Variants in FAT2 observed in about 807,000 individuals in gnomAD.
FAT2 encodes protocadherin Fat 2.
FAT2 carries 150 observed loss-of-function variants against 295.3 expected under a neutral mutation model. The ratio of observed to expected loss-of-function variants is 0.51; its 90% CI spans 0.44 to 0.58. The LOEUF (loss-of-function observed/expected upper bound fraction) is 0.58, where lower values mean the gene tolerates loss of function less well. Ranked by LOEUF, FAT2 falls within the 20% of genes least tolerant of loss-of-function variation. The pLI is 0.00. For synonymous variants in FAT2, 2,026 were observed against 2,150.3 expected, an observed-to-expected ratio of 0.94 and a Z score of 1.60; for missense variants, 4,868 against 5,442.7, an observed-to-expected ratio of 0.89 and a Z score of 3.32.
intron 19 of FAT2, among the ~76,000 whole-genome samples, chr5:151,518,398 A>T (rs1753105044): frequency 6.8e-6 from 1 of 146,420 alleles, no homozygotes; most frequent in African/African-American, 2.6e-5. Flanking sequence ...AGTAAAAATC[A>T]GGCCAGAAAT....
At chr5:151,561,087 G>A (rs1050335614) in intron 3 of FAT2, among the ~76,000 whole-genome samples, 5 of 152,264 alleles carry the variant, frequency 3.3e-5, no homozygotes, top group South Asian at 2.1e-4. Flanking sequence ...GATAAATGTC[G>A]CAAAAAGGAG....
chr5:151,537,385 C>T (rs59054570), intron 12 of FAT2, among the ~76,000 whole-genome samples: 71,362 of 137,040 alleles, frequency 0.52, 18,810 homozygotes, highest in African/African-American at 0.68. Context: ...CAACGAACAA[C>T]GAAAGGAAAG....
intron 19 of FAT2, among the ~76,000 whole-genome samples, chr5:151,519,603 G>A (rs1753231978): frequency 6.6e-6 from 1 of 152,146 alleles, no homozygotes; most frequent in Admixed American, 6.5e-5. Context: ...AACTGGAAGG[G>A]GGGCCCAAGG....
intron 18 of FAT2, among the ~76,000 whole-genome samples, chr5:151,523,539 A>T (rs1031603958): frequency 6.6e-6 from 1 of 152,176 alleles, no homozygotes; most frequent in Admixed American, 6.5e-5. Context: ...TTGCTGGCCT[A>T]TGGTGCCTCC....
At position 151,546,330 on chromosome 5, in the gene FAT2, G is replaced by A. The variant is rs148379892; in HGVS notation, c.4797C>T (p.Ser1599=). Residue 1599 remains serine, a synonymous_variant, in exon 10 of 24, where the codon AGC becomes AGT. Transcript: ENST00000261800. ...GGGCATTGATGTTGAAGAAACCTTC[G>A]CTGTTCCCTGAAACAGAAGACAAGA... ...EVHYSLLKGN[S]EGFFNINALL... The A allele has an allele frequency of 3.3e-4, 536 of 1,610,334 alleles. 4 individuals carry two copies. In the South Asian group the frequency reaches 4.8e-3, roughly 14 times the overall value.
At chr5:151,549,816 G>A (rs1757010074) in intron 8 of FAT2, among the ~76,000 whole-genome samples, 1 of 152,108 alleles carries the variant, frequency 6.6e-6, no homozygotes, top group African/African-American at 2.4e-5. Flanking sequence ...ATGTTAACAT[G>A]TCATGCAGGA....
rs756839220 is a variant in FAT2 at position 151,525,800 on chromosome 5, T to G, written c.10474A>C (p.Arg3492=). The G allele has an allele frequency of 3.1e-6, 5 of 1,614,140 alleles. No individual in the cohort carries two copies. Among genetic ancestry groups the G allele is most frequent in the Non-Finnish European group, 4.2e-6 (5 of 1,180,040 alleles). ...TGAAGCTGATACCATTCCTGAGCCC[T>G]CCTGCTTAGGCCCTCAGCAGTCACC... The part of the protein sequence containing the change: ...WLVTAEGLSR[R]AQEWYQLQIQ... Residue 3492 remains arginine, a synonymous_variant, in exon 18 of 24, where the codon AGG becomes CGG. Transcript: ENST00000261800.
chr5:151,518,681 C>A (rs1753135400), intron 19 of FAT2, among the ~76,000 whole-genome samples: 1 of 152,224 alleles, frequency 6.6e-6, no homozygotes, highest in Non-Finnish European at 1.5e-5. Flanking sequence ...TAAAGTCTGG[C>A]ATCCTCCATC....
Position 151,529,292 on chromosome 5 carries a change from C to CA in FAT2, c.9911dup (p.Thr3305AspfsTer9), listed in dbSNP as rs1384812724. ...CAGTGATGTTGACCATGACTGTGGTCACGTCACTGAGGGAAGAGGAGCTCT... is the reference window on the plus strand; with the variant it reads ...CAGTGATGTTGACCATGACTGTGGTCAACGTCACTGAGGGAAGAGGAGCTCT... On this transcript the variant is annotated frameshift_variant, in exon 15 of 24. Coordinates refer to ENST00000261800, the MANE Select transcript of FAT2 (RefSeq NM_001447.3). LOFTEE classifies it high-confidence loss of function. 1 of 1,614,082 alleles carries CA rather than the reference C, an allele frequency of 6.2e-7. No individual in the cohort carries two copies. Among genetic ancestry groups the CA allele is most frequent in the Admixed American group, 1.7e-5 (1 of 60,022 alleles).
At position 151,555,367 on chromosome 5, in the gene FAT2, CTTTT is replaced by C. The variant is rs912481589; in HGVS notation, c.3634-698_3634-695del. 5.0e-3 allele frequency among the ~76,000 whole-genome samples: 614 copies of C among 123,084 alleles called. 4 individuals are homozygous for C. Among genetic ancestry groups the C allele is most frequent in the African/African-American group, 0.019 (593 of 31,824 alleles). 80.7% of individuals were successfully genotyped at this position (123,084 alleles called of 152,430 possible). On this transcript the variant is annotated intron_variant, in intron 4 of 23. Transcript: ENST00000261800. Reference sequence around the variant, plus strand: ...GCTACTTCTTACTAATAATATATTTCTTTTTTTTTTTTTTTTTTTTTGAGACTGA... The same window carrying C: ...GCTACTTCTTACTAATAATATATTTCTTTTTTTTTTTTTTTTTGAGACTGA...
chr5:151,544,598 T>TGTA lies in FAT2; in HGVS notation c.6526_6528dup (p.Tyr2176dup), dbSNP rs745896086. Reference sequence around the variant, plus strand: ...GTGATATTTTCAGGTACTCTGACTTTGTAATAAGGACTCTGAAACAGTGGG... The same window carrying TGTA: ...GTGATATTTTCAGGTACTCTGACTTTGTAGTAATAAGGACTCTGAAACAGTGGG... On this transcript the variant is annotated inframe_insertion, in exon 10 of 24. Transcript: ENST00000261800. The TGTA allele has an allele frequency of 6.8e-6, 11 of 1,614,118 alleles. No homozygotes were observed. The highest frequency in any genetic ancestry group is 8.5e-6 in the Non-Finnish European group (10 of 1,180,030).
chr5:151,504,816 C>T lies in FAT2; in HGVS notation c.*749G>A, dbSNP rs140085002. 135 of 152,730 alleles carry T rather than the reference C, an allele frequency of 8.8e-4. No individual in the cohort carries two copies. Among genetic ancestry groups the T allele is most frequent in the Non-Finnish European group, 1.7e-3 (115 of 68,068 alleles). The allele number at this position is 152,730 out of a possible 1,614,324, so 9.5% of individuals were successfully genotyped here. The stretch of plus-strand genomic sequence containing the variant: ...AGAAGGTTCAGAGCTGTGTAGACTC[C>T]TGGCAGGCCCTGACTGGCAGCCAGT... On this transcript the variant is annotated 3_prime_UTR_variant, in exon 24 of 24. Transcript: ENST00000261800.
At position 151,542,741 on chromosome 5, in the gene FAT2, C is replaced by G; in HGVS notation, c.8386G>C (p.Val2796Leu). 1.2e-6 allele frequency: 2 copies of G among 1,614,252 alleles called. No individual in the cohort carries two copies. The highest frequency in any genetic ancestry group is 8.5e-7 in the Non-Finnish European group (1 of 1,180,046). ...QVGDVNDNRP[V>L]FEADPYKAVL... ...GCCTTATATGGATCAGCCTCAAATA[C>G]AGGCCTATTGTCATTGACGTCTCCC... is the stretch of plus-strand genomic sequence containing the variant. Residue 2796 changes from valine (V) to leucine (L), a missense_variant, in exon 10 of 24, where the codon GTA (valine) becomes CTA (leucine). Physicochemically the swap from Val to Leu is conservative, Grantham distance 32. Transcript: ENST00000261800.
At chr5:151,533,086 A>C (rs79604591) in intron 13 of FAT2, among the ~76,000 whole-genome samples, 5,461 of 152,176 alleles carry the variant, frequency 0.036, 157 homozygotes, top group Non-Finnish European at 0.058. Flanking sequence ...ATATAAGGCC[A>C]CTCTAGGAGC....
intron 3 of FAT2, among the ~76,000 whole-genome samples, chr5:151,562,916 G>C (rs946091616): frequency 6.6e-6 from 1 of 152,118 alleles, no homozygotes; most frequent in Admixed American, 6.5e-5. Flanking sequence ...TGGAACTAGG[G>C]TTAAGGGATT....
chr5:151,539,444 A>T (rs1282659035), intron 11 of FAT2, among the ~76,000 whole-genome samples: 3 of 152,154 alleles, frequency 2.0e-5, no homozygotes, highest in Non-Finnish European at 4.4e-5. Context: ...TGTGTGGGTG[A>T]GTATATGGTT....
chr5:151,515,146 G>A (rs879452348), intron 20 of FAT2, among the ~76,000 whole-genome samples: 5 of 151,964 alleles, frequency 3.3e-5, no homozygotes, highest in Non-Finnish European at 5.9e-5. Context: ...CATCTTACTG[G>A]CCTCTCAGCA....
In FAT2 at chr5:151,505,946, A is replaced by G. The variant is rs758111953; in HGVS notation, c.12669T>C (p.Tyr4223=). Residue 4223 remains tyrosine, a synonymous_variant, in exon 24 of 24, where the codon TAT becomes TAC. Transcript: ENST00000261800. ...PVVMPEPNGL[Y]GGFPFPLEME... ...TCTCCAGGGGGAAGGGGAAGCCCCC[A>G]TAGAGGCCATTAGGCTCTGGCATCA... 1.2e-5 allele frequency: 19 copies of G among 1,581,154 alleles called. No individual in the cohort carries two copies. The highest frequency in any genetic ancestry group is 2.2e-5 in the East Asian group (1 of 44,606).
intron 9 of FAT2, among the ~76,000 whole-genome samples, chr5:151,547,904 C>T (rs1031453042): frequency 6.6e-6 from 1 of 152,120 alleles, no homozygotes; most frequent in African/African-American, 2.4e-5. Flanking sequence ...GTTCTTTATA[C>T]ATTCCTGTAT....
Sources: gnomAD v4.1 joint callset for allele counts (sites outside exome capture counted in the v4.1 genomes callset) on GRCh38, gnomAD v4.1.1 for gene constraint, MANE v1.5 for transcripts, NCBI Gene and HGNC (gene_info 2026-07-23, HGNC 2026-07-21) for gene names.